The following LRP6 variants were observed in gnomAD, a reference collection of about 807,000 sequenced individuals.
LRP6 encodes the protein LDL receptor related protein 6, also known as low-density lipoprotein receptor-related protein 6.
Under a neutral mutation model 184.1 loss-of-function variants are expected in LRP6, and 43 were observed. The ratio of observed to expected loss-of-function variants is 0.23; its 90% CI spans 0.18 to 0.30. The LOEUF (loss-of-function observed/expected upper bound fraction) is 0.30. LRP6 is among the 10% of genes least tolerant of loss of function. LRP6 has a pLI of 1.00. For missense variants in LRP6, 1,571 were observed against 2,005.3 expected (o/e 0.78, Z 4.14); for synonymous variants, 719 against 684.9 (o/e 1.05, Z -0.78).
Position 12,149,145 on chromosome 12 carries a change from A to C in LRP6, c.3003T>G (p.Thr1001=). 6 of 1,613,760 alleles carry C rather than the reference A, an allele frequency of 3.7e-6. No homozygotes were observed. The highest frequency in any genetic ancestry group is 4.2e-6 in the Non-Finnish European group (5 of 1,179,714). ...KAQEDGSQGF[T]VVVSSVPSQN... ...GACTCGGAACTGAGCTCACAACCAC[A>C]GTAAAGCCCTAGGGAAAAAAAGAAA... Residue 1001 remains threonine, a synonymous_variant, in exon 14 of 23, where the codon ACT becomes ACG. Coordinates refer to ENST00000261349, the MANE Select transcript of LRP6 (RefSeq NM_002336.3).
intron 1 of LRP6, 107 bp downstream of exon 1, chr12:12,266,574 C>G: frequency 1.1e-6 from 1 of 915,058 alleles, no homozygotes; most frequent in Middle Eastern, 2.2e-4. Flanking sequence ...TCTCCCCGCT[C>G]CTCTCCCCTT....
intron 2 of LRP6, among the ~76,000 whole-genome samples, chr12:12,209,286 T>C (rs1864145635): frequency 1.3e-5 from 2 of 152,244 alleles, no homozygotes; most frequent in Admixed American, 1.3e-4. Context: ...GTGTCTAGTT[T>C]ATGGTGAAAT....
intron 2 of LRP6, chr12:12,210,750 T>C (rs1428894897): frequency 1.3e-5 from 2 of 152,208 alleles, no homozygotes; most frequent in African/African-American, 2.4e-5. Context: ...AAAAATCACA[T>C]ACATCATTAT....
At chr12:12,209,834 T>C (rs1371498620) in intron 2 of LRP6, among the ~76,000 whole-genome samples, 2 of 152,118 alleles carry the variant, frequency 1.3e-5, no homozygotes, top group Non-Finnish European at 2.9e-5. Context: ...AAATTCGCAA[T>C]GTAGACAAGG....
intron 15 of LRP6, 36 bp from the exon 16 acceptor site, chr12:12,138,570 T>C (rs1949880031): frequency 1.9e-6 from 3 of 1,550,720 alleles, no homozygotes; most frequent in Non-Finnish European, 2.7e-6. Context: ...AAATGACTCA[T>C]GTGGGTCAAG....
chr12:12,265,665 T>C (rs1202885629), intron 1 of LRP6, among the ~76,000 whole-genome samples: 1 of 152,218 alleles, frequency 6.6e-6, no homozygotes, highest in Non-Finnish European at 1.5e-5. Context: ...CGAGCAGTAC[T>C]TAAATTCCTC....
chr12:12,179,363 G>GAT (rs200462176), intron 7 of LRP6, among the ~76,000 whole-genome samples: 4 of 11,550 alleles, frequency 3.5e-4, no homozygotes, highest in African/African-American at 5.3e-4. Context: ...AGCAATAAAA[G>GAT]ATATAGATAT....
At chr12:12,121,716 C>T (rs1046774106) in intron 22 of LRP6, among the ~76,000 whole-genome samples, 1 of 152,104 alleles carries the variant, frequency 6.6e-6, no homozygotes, top group African/African-American at 2.4e-5. Flanking sequence ...AACTGTATCA[C>T]AGAATAAAAA....
At chr12:12,242,464 G>T (rs921068009) in intron 2 of LRP6, among the ~76,000 whole-genome samples, 11 of 152,126 alleles carry the variant, frequency 7.2e-5, no homozygotes. Flanking sequence ...TTTCACCACG[G>T]TATTCTTCCC....
intron 1 of LRP6, chr12:12,249,356 C>G: frequency 9.2e-7 from 1 of 1,088,396 alleles, no homozygotes; most frequent in East Asian, 2.4e-5. Flanking sequence ...CCTGCAAGAG[C>G]TTTGGCGCCT....
At chr12:12,159,715 A>G in intron 11 of LRP6, 65 bp downstream of exon 11, 1 of 1,468,564 alleles carries the variant, frequency 6.8e-7, no homozygotes, top group Non-Finnish European at 9.5e-7. Context: ...ACCAATGATA[A>G]ATAGCAGCCA....
chr12:12,240,637 G>A (rs1865040914), intron 2 of LRP6, among the ~76,000 whole-genome samples: 1 of 151,946 alleles, frequency 6.6e-6, no homozygotes, highest in Non-Finnish European at 1.5e-5. Flanking sequence ...ATTCAAAGCT[G>A]TTTAATATAA....
intron 9 of LRP6, among the ~76,000 whole-genome samples, chr12:12,163,124 C>T (rs1862781301): frequency 6.6e-6 from 1 of 151,916 alleles, no homozygotes; most frequent in Non-Finnish European, 1.5e-5. Context: ...TACAGGTATG[C>T]GCCACCATGA....
At chr12:12,140,272 T>A (rs1316450763) in intron 15 of LRP6, among the ~76,000 whole-genome samples, 2 of 151,594 alleles carry the variant, frequency 1.3e-5, no homozygotes, top group East Asian at 3.8e-4. Flanking sequence ...AAAGAGCCCT[T>A]GGAAATTAAA....
chr12:12,260,219 T>C (rs1468807742), intron 1 of LRP6, among the ~76,000 whole-genome samples: 3 of 151,492 alleles, frequency 2.0e-5, no homozygotes, highest in Non-Finnish European at 4.4e-5. Context: ...TCCACTAAAA[T>C]ACAAAAAAAA....
chr12:12,165,141 A>T lies in LRP6; in HGVS notation c.1700T>A (p.Val567Glu). ...RVHKRSAERE[V>E]IIDQLPDLMG... ...GAGGTCAGGCAGCTGATCTATGATC[A>T]CTTCCCTCTCTGCACTTCGTTTATG... The change falls in exon 8 of 23, where the codon GTG (valine) becomes GAG (glutamate). Residue 567 changes from valine to glutamate, a missense_variant. Physicochemically the swap from Val to Glu is moderately radical, Grantham distance 121. Transcript: ENST00000261349. 2 of 1,614,084 alleles carry T rather than the reference A, an allele frequency of 1.2e-6. No individual in the cohort carries two copies. The highest frequency in any genetic ancestry group is 1.7e-6 in the Non-Finnish European group (2 of 1,180,010).
intron 1 of LRP6, among the ~76,000 whole-genome samples, chr12:12,247,019 G>GT (rs1351070436): frequency 6.6e-6 from 1 of 152,128 alleles, no homozygotes; most frequent in African/African-American, 2.4e-5. Context: ...CTTATTCTGT[G>GT]TATCTGCTGC....
intron 13 of LRP6, among the ~76,000 whole-genome samples, chr12:12,149,623 G>A (rs1238713525): frequency 6.6e-6 from 1 of 152,248 alleles, no homozygotes; most frequent in East Asian, 1.9e-4. Context: ...CAGAGACCAG[G>A]GATGCTGTTA....
At chr12:12,210,872 C>T (rs1159268497) in intron 2 of LRP6, 1 of 152,084 alleles carries the variant, frequency 6.6e-6, no homozygotes, top group African/African-American at 2.4e-5. Flanking sequence ...GATTCCTGAC[C>T]CCATGTTCCT....
Sources: gnomAD v4.1 joint callset for allele counts (sites outside exome capture counted in the v4.1 genomes callset) on GRCh38, gnomAD v4.1.1 for gene constraint, MANE v1.5 for transcripts, NCBI Gene and HGNC (gene_info 2026-07-23, HGNC 2026-07-21) for gene names.